The following FKBP5 variants were observed in gnomAD, a reference collection of about 807,000 sequenced individuals.
FKBP5 encodes peptidyl-prolyl cis-trans isomerase FKBP5.
A neutral mutation model predicts 50.5 loss-of-function variants in FKBP5; 23 were observed. The observed-to-expected ratio is 0.46, with a 90% CI of 0.33 to 0.65. The LOEUF is 0.65. Among genes scored for constraint, FKBP5 ranks in the 30% least tolerant of loss-of-function variants. FKBP5 has a pLI of 0.02. For synonymous variants in FKBP5, 176 were observed against 190.6 expected (o/e 0.92, Z 0.63); for missense variants, 411 against 553.1 (o/e 0.74, Z 2.58).
At chr6:35,589,078 T>TTATATATATTTTTTTA (rs1561846393) in intron 7 of FKBP5, among the ~76,000 whole-genome samples, 1 of 137,096 alleles carries the variant, frequency 7.3e-6, no homozygotes, top group African/African-American at 2.8e-5. Context: ...GTGTATATAT[T>TTATATATATTTTTTTA]TATATATATA....
At chr6:35,619,898 G>A (rs184843931) in intron 4 of FKBP5, among the ~76,000 whole-genome samples, 37 of 152,210 alleles carry the variant, frequency 2.4e-4, no homozygotes, top group South Asian at 2.1e-3. Flanking sequence ...TAAGTGTAGC[G>A]TCTTTTGTTT....
At chr6:35,643,350 T>C (rs958507075) in intron 1 of FKBP5, among the ~76,000 whole-genome samples, 3 of 152,190 alleles carry the variant, frequency 2.0e-5, no homozygotes, top group African/African-American at 7.2e-5. Flanking sequence ...ATTTTTCATC[T>C]GCAAAATGGA....
At chr6:35,695,957 A>T (rs1766073403) in intron 2 of FKBP5, among the ~76,000 whole-genome samples, 1 of 151,844 alleles carries the variant, frequency 6.6e-6, no homozygotes, top group Admixed American at 6.6e-5. Flanking sequence ...ATCCTGGCTA[A>T]CACGGTGAAA....
chr6:35,707,031 G>C (rs372858424), intron 2 of FKBP5, among the ~76,000 whole-genome samples: 1 of 152,114 alleles, frequency 6.6e-6, no homozygotes, highest in African/African-American at 2.4e-5. Context: ...TAAAGTCCCA[G>C]TGGAACTTTA....
chr6:35,598,167 T>C (rs925713828), intron 5 of FKBP5, among the ~76,000 whole-genome samples: 5 of 152,208 alleles, frequency 3.3e-5, no homozygotes, highest in Admixed American at 2.6e-4. Context: ...AGAGGCTTTT[T>C]CTCATATTTT....
At chr6:35,703,382 C>A (rs956541452) in intron 2 of FKBP5, among the ~76,000 whole-genome samples, 2 of 152,032 alleles carry the variant, frequency 1.3e-5, no homozygotes, top group Non-Finnish European at 2.9e-5. Flanking sequence ...GCTGTCCAGC[C>A]TGGCCAACAG....
At chr6:35,584,470 T>A in intron 8 of FKBP5, 1 of 985,444 alleles carries the variant, frequency 1.0e-6, no homozygotes, top group Non-Finnish European at 1.2e-6. Flanking sequence ...CTGGACTCTG[T>A]GCAAATGCAT....
At chr6:35,727,421 C>T (rs1766737196) in intron 1 of FKBP5, among the ~76,000 whole-genome samples, 1 of 152,168 alleles carries the variant, frequency 6.6e-6, no homozygotes, top group Admixed American at 6.5e-5. Flanking sequence ...GGGTCGTCTT[C>T]CTTGGCCTTG....
Position 35,575,714 on chromosome 6 carries a change from G to C in FKBP5, c.*121C>G. On this transcript the variant is annotated 3_prime_UTR_variant, in exon 11 of 11. Transcript: ENST00000357266. ...TGGGAAGCTACTGGTTTTGCCATTT[G>C]CTTCCAGAATCACATAGACTATAAC... The C allele has an allele frequency of 3.9e-6, 3 of 760,300 alleles. No individual in the cohort carries two copies. The highest frequency in any genetic ancestry group is 6.8e-6 in the Non-Finnish European group (3 of 439,972). The allele number at this position is 760,300 out of a possible 1,614,324, so 47.1% of individuals were successfully genotyped here. A position where few individuals can be genotyped will look rare whatever the true frequency, so the allele number is the denominator to read the frequency against.
chr6:35,585,881 G>C (rs1762583456), intron 8 of FKBP5: 2 of 985,164 alleles, frequency 2.0e-6, no homozygotes. Flanking sequence ...ATTTTGGGTT[G>C]ATTATATATT....
intron 1 of FKBP5, among the ~76,000 whole-genome samples, chr6:35,670,646 C>T (rs943711762): frequency 4.0e-5 from 6 of 151,352 alleles, no homozygotes; most frequent in Non-Finnish European, 7.4e-5. Context: ...GCACAAGAAT[C>T]GCTTGAACCT....
intron 1 of FKBP5, among the ~76,000 whole-genome samples, chr6:35,644,748 C>T (rs760459089): frequency 2.6e-5 from 4 of 152,278 alleles, no homozygotes; most frequent in Non-Finnish European, 5.9e-5. Context: ...AAACCCACTG[C>T]TTATAATATG....
At chr6:35,690,176 T>A (rs377497066), upstream of FKBP5, among the ~76,000 whole-genome samples, 22 of 152,284 alleles carry the variant, frequency 1.4e-4, no homozygotes, top group South Asian at 2.9e-3. Flanking sequence ...CTTCAAGAGA[T>A]GATGCCTGGG....
Position 35,585,194 on chromosome 6 carries a change from T to C in FKBP5, c.840+1840A>G, listed in dbSNP as rs918007208. 5.1e-6 allele frequency: 5 copies of C among 976,140 alleles called. No individual in the cohort carries two copies. In the South Asian group the frequency reaches 2.4e-4, roughly 46 times the overall value. The allele number at this position is 976,140 out of a possible 1,614,324, so 60.5% of individuals were successfully genotyped here. A position where few individuals can be genotyped will look rare whatever the true frequency, so the allele number is the denominator to read the frequency against. On this transcript the variant is annotated intron_variant, in intron 8 of 10. Coordinates refer to ENST00000357266, the MANE Select transcript of FKBP5 (RefSeq NM_004117.4). Reference sequence around the variant, plus strand: ...TCTATTTGGAAGTATTGAGGAAATATATAAAATATAGTTAAGGATTTTTAT... The same window carrying C: ...TCTATTTGGAAGTATTGAGGAAATACATAAAATATAGTTAAGGATTTTTAT...
rs138387175 is a variant in FKBP5, at chr6:35,579,947, G to T, written c.1026+89C>A. ...AAAAAAAAGCAAAATGAAAAATCCTGCAACCTTTGGCTGAGAGGAAGCAAA... is the reference window on the plus strand; with the variant it reads ...AAAAAAAAGCAAAATGAAAAATCCTTCAACCTTTGGCTGAGAGGAAGCAAA... On this transcript the variant is annotated intron_variant, in intron 9 of 10. Transcript: ENST00000357266. 21 of 1,001,598 alleles carry T rather than the reference G, an allele frequency of 2.1e-5. No homozygotes were observed. The East Asian group carries it at 5.3e-4, about 25-fold the overall frequency. 62.0% of individuals were successfully genotyped at this position (1,001,598 alleles called of 1,614,324 possible).
intron 1 of FKBP5, among the ~76,000 whole-genome samples, chr6:35,725,889 C>T (rs914116638): frequency 1.3e-5 from 2 of 152,158 alleles, no homozygotes; most frequent in African/African-American, 4.8e-5. Flanking sequence ...CCTGCCTCCT[C>T]CTCCCCCACT....
intron 2 of FKBP5, among the ~76,000 whole-genome samples, chr6:35,639,308 GCA>G (rs1764411146): frequency 2.0e-5 from 3 of 152,134 alleles, no homozygotes; most frequent in Admixed American, 2.0e-4. Flanking sequence ...GCCCTAGCTT[GCA>G]CAGTTACTAG....
chr6:35,686,023 A>G (rs925831782), intron 1 of FKBP5, among the ~76,000 whole-genome samples: 1 of 151,566 alleles, frequency 6.6e-6, no homozygotes, highest in African/African-American at 2.4e-5. Flanking sequence ...AATGTCTATA[A>G]TAGTGGCATT....
In FKBP5 at chr6:35,619,218, G is replaced by A; in HGVS notation, c.394-8C>T. Reference sequence around the variant, plus strand: ...GAAATCAAGGAGCTCAATCTAGAAAGAAAAAAGGAATTCAGCTGAGAAAAG... The same window carrying A: ...GAAATCAAGGAGCTCAATCTAGAAAAAAAAAAGGAATTCAGCTGAGAAAAG... On this transcript the variant is annotated splice_region_variant and splice_polypyrimidine_tract_variant and intron_variant, in intron 4 of 10. Transcript: ENST00000357266. 1.3e-6 allele frequency: 2 copies of A among 1,586,892 alleles called. No homozygotes were observed. Among genetic ancestry groups the A allele is most frequent in the Admixed American group, 1.7e-5 (1 of 58,392 alleles).
Sources: allele counts gnomAD v4.1 joint callset (sites outside exome capture counted in the v4.1 genomes callset), GRCh38; gene constraint gnomAD v4.1.1; transcripts MANE v1.5; gene names NCBI Gene and HGNC (gene_info 2026-07-23, HGNC 2026-07-21).